Variants in UNC13C observed in about 807,000 individuals in gnomAD.
The protein encoded by UNC13C is protein unc-13 homolog C.
UNC13C carries 174 observed loss-of-function variants against 245.4 expected under a neutral mutation model. The ratio of observed to expected loss-of-function variants is 0.71; its 90% CI spans 0.63 to 0.80. UNC13C has a LOEUF of 0.80. Among genes scored for constraint, UNC13C ranks in the 30% least tolerant of loss-of-function variants. The probability of loss-of-function intolerance (pLI) is 0.00; values close to 1 mark genes in which losing one functional copy is unlikely to be tolerated. For synonymous variants in UNC13C, 992 were observed against 895.1 expected (o/e 1.11, Z -1.93); for missense variants, 2,829 against 2,602.9 (o/e 1.09, Z -1.89).
the UNC13C span, among the ~76,000 whole-genome samples, chr15:53,931,715 G>A: frequency 1.3e-5 from 2 of 152,088 alleles, no homozygotes; most frequent in African/African-American, 4.8e-5. Context: ...GAAAGACTCT[G>A]CGACTCTTCT....
chr15:54,179,497 C>T (rs545524808), intron 4 of UNC13C, among the ~76,000 whole-genome samples: 3 of 151,932 alleles, frequency 2.0e-5, no homozygotes, highest in African/African-American at 7.2e-5. Flanking sequence ...CTATTAAGTC[C>T]TTATTGGATG....
At chr15:53,991,551 G>T (rs76470795) in intron 1 of UNC13C, among the ~76,000 whole-genome samples, 4,245 of 151,968 alleles carry the variant, frequency 0.028, 211 homozygotes, top group East Asian at 0.2. Context: ...ATCAGACTTG[G>T]TGAATCTTAC....
intron 10 of UNC13C, among the ~76,000 whole-genome samples, chr15:54,280,619 T>C (rs1039978105): frequency 6.7e-6 from 1 of 148,754 alleles, no homozygotes; most frequent in East Asian, 2.0e-4. Flanking sequence ...TCCATATATA[T>C]GTATACATAC....
chr15:54,251,121 C>T (rs1229061813), intron 8 of UNC13C, among the ~76,000 whole-genome samples: 1 of 152,130 alleles, frequency 6.6e-6, no homozygotes, highest in Non-Finnish European at 1.5e-5. Context: ...TATGTAAAAT[C>T]AGGTTCCCCA....
rs543988639 is a variant in UNC13C at position 54,012,661 on chromosome 15, T to C, written c.-243T>C. Among the ~76,000 whole-genome samples the C allele has an allele frequency of 1.3e-5, 2 of 152,204 alleles. No individual in the cohort carries two copies. Among genetic ancestry groups the C allele is most frequent in the East Asian group, 3.9e-4 (2 of 5,184 alleles). ...ATTTCTTTTTAGACACTACATGGAGTTATGTGGAAATGAGAGAGATTCATG... is the reference window on the plus strand; with the variant it reads ...ATTTCTTTTTAGACACTACATGGAGCTATGTGGAAATGAGAGAGATTCATG... On this transcript the variant is annotated 5_prime_UTR_variant, in exon 2 of 33. Transcript: ENST00000260323.
intron 19 of UNC13C, among the ~76,000 whole-genome samples, chr15:54,473,946 C>T (rs1451304561): frequency 6.6e-6 from 1 of 151,826 alleles, no homozygotes; most frequent in African/African-American, 2.4e-5. Flanking sequence ...TGTGTGTACA[C>T]CTTTTTAAAT....
chr15:54,598,949 A>C (rs998647218), intron 30 of UNC13C, among the ~76,000 whole-genome samples: 3 of 152,172 alleles, frequency 2.0e-5, no homozygotes, highest in Non-Finnish European at 4.4e-5. Context: ...TGCTCAACAA[A>C]TATTAAATGA....
At chr15:54,535,222 G>A (rs73421557) in intron 26 of UNC13C, among the ~76,000 whole-genome samples, 14,751 of 151,930 alleles carry the variant, frequency 0.097, 903 homozygotes, top group African/African-American at 0.17. Flanking sequence ...GGTTGCTATT[G>A]TAACTTCAGA....
the UNC13C span, among the ~76,000 whole-genome samples, chr15:53,879,678 TC>T: frequency 1.3e-5 from 2 of 152,046 alleles, no homozygotes; most frequent in African/African-American, 4.8e-5. Flanking sequence ...AACCTCCACC[TC>T]CCAGGTTCAA....
At chr15:54,419,884 TACTC>T (rs1298989416) in intron 19 of UNC13C, among the ~76,000 whole-genome samples, 2 of 152,134 alleles carry the variant, frequency 1.3e-5, no homozygotes, top group Non-Finnish European at 2.9e-5. Context: ...TTGAGCTTGG[TACTC>T]ACTCAAGTAT....
the UNC13C span, among the ~76,000 whole-genome samples, chr15:53,910,506 C>T: frequency 3.4e-5 from 5 of 146,674 alleles, 1 homozygote; most frequent in African/African-American, 1.2e-4. Flanking sequence ...TCTTGGGGCT[C>T]GGCTCAGCTC....
chr15:53,970,851 A>G, the UNC13C span, among the ~76,000 whole-genome samples: 7 of 152,318 alleles, frequency 4.6e-5, 1 homozygote, highest in East Asian at 1.4e-3. Context: ...TTAAAAAATA[A>G]TAATTCTTTT....
At chr15:54,387,150 A>C (rs2039856275) in intron 17 of UNC13C, among the ~76,000 whole-genome samples, 1 of 152,148 alleles carries the variant, frequency 6.6e-6, no homozygotes, top group South Asian at 2.1e-4. Flanking sequence ...CAACGGAGTA[A>C]AGTGAAAGCA....
chr15:54,395,369 T>A (rs1210074254), intron 18 of UNC13C, among the ~76,000 whole-genome samples: 1 of 151,806 alleles, frequency 6.6e-6, no homozygotes, highest in African/African-American at 2.4e-5. Context: ...ATGCAGAATT[T>A]CACAAAGTAA....
chr15:54,442,608 G>C (rs369434219), intron 19 of UNC13C, among the ~76,000 whole-genome samples: 1 of 151,998 alleles, frequency 6.6e-6, no homozygotes, highest in Non-Finnish European at 1.5e-5. Flanking sequence ...TTATTATGTT[G>C]AGTTATGTTC....
rs142756216 is a variant in UNC13C, at chr15:54,204,364, A to T, written c.3072-30666A>T. ...CCGTTTTTACATACTGTCAATAAAGATAAATATAATTCAATAAAAAAGAAT... is the reference window on the plus strand; with the variant it reads ...CCGTTTTTACATACTGTCAATAAAGTTAAATATAATTCAATAAAAAAGAAT... On this transcript the variant is annotated intron_variant, in intron 4 of 32. Coordinates refer to ENST00000260323, the MANE Select transcript of UNC13C (RefSeq NM_001080534.3). Among the ~76,000 whole-genome samples the T allele has an allele frequency of 4.1e-3, 624 of 151,612 alleles. 8 individuals carry two copies. The highest frequency in any genetic ancestry group is 0.015 in the African/African-American group (606 of 41,432).
At chr15:54,448,787 A>G (rs1254075461) in intron 19 of UNC13C, among the ~76,000 whole-genome samples, 1 of 152,104 alleles carries the variant, frequency 6.6e-6, no homozygotes, top group Non-Finnish European at 1.5e-5. Context: ...TAAGGTTAAT[A>G]TTGTTATGTG....
At chr15:54,061,136 A>G (rs1257459606) in intron 2 of UNC13C, among the ~76,000 whole-genome samples, 3 of 150,646 alleles carry the variant, frequency 2.0e-5, no homozygotes, top group Non-Finnish European at 4.4e-5. Flanking sequence ...AAAAAAAAGG[A>G]ATCTAAATTT....
rs191998499 is a variant in UNC13C, at chr15:54,288,648, A to G, written c.3819-5247A>G. Among the ~76,000 whole-genome samples the G allele has an allele frequency of 1.0e-3, 156 of 152,020 alleles. No homozygotes were observed. In the Middle Eastern group the frequency reaches 0.017, roughly 17 times the overall value. ...GCATAAAACTAAAAAAGGGAAGGAG[A>G]GGAGTGGTTTGAAAGGTTGTTGTAT... is the stretch of plus-strand genomic sequence containing the variant. On this transcript the variant is annotated intron_variant, in intron 10 of 32. Transcript: ENST00000260323.
Sources: allele counts gnomAD v4.1 joint callset (sites outside exome capture counted in the v4.1 genomes callset), GRCh38; gene constraint gnomAD v4.1.1; transcripts MANE v1.5; gene names NCBI Gene and HGNC (gene_info 2026-07-23, HGNC 2026-07-21).